CFAP299: variants seen among roughly 807,000 people sequenced by gnomAD.
CFAP299 encodes the protein cilia- and flagella-associated protein 299.
In CFAP299, 21 loss-of-function variants were observed where a neutral mutation model predicts 27.0. The ratio of observed to expected loss-of-function variants is 0.78; its 90% confidence interval spans 0.55 to 1.12. The LOEUF (loss-of-function observed/expected upper bound fraction) is 1.12, where lower values mean the gene tolerates loss of function less well. Among genes scored for constraint, CFAP299 ranks in the 50% most tolerant of loss-of-function variants. CFAP299 has a pLI of 0.00. For synonymous variants in CFAP299, 104 were observed against 98.1 expected (o/e 1.06, Z -0.36); for missense variants, 310 against 276.6 (o/e 1.12, Z -0.86).
At chr4:80,366,078 C>T (rs1723819482) in intron 2 of CFAP299, among the ~76,000 whole-genome samples, 1 of 152,162 alleles carries the variant, frequency 6.6e-6, no homozygotes, top group African/African-American at 2.4e-5. Context: ...CATTCCCTTC[C>T]AGGTTCATTT....
intron 3 of CFAP299, among the ~76,000 whole-genome samples, chr4:80,691,822 A>G (rs1367597101): frequency 2.0e-5 from 3 of 152,240 alleles, no homozygotes; most frequent in Non-Finnish European, 2.9e-5. Context: ...AATCTCTTTA[A>G]GCTGATAAGC....
At chr4:80,814,308 G>A (rs1374095965) in intron 3 of CFAP299, among the ~76,000 whole-genome samples, 1 of 152,052 alleles carries the variant, frequency 6.6e-6, no homozygotes, top group Non-Finnish European at 1.5e-5. Context: ...CTTGTTAAAA[G>A]CACGTGCCTG....
intron 3 of CFAP299, among the ~76,000 whole-genome samples, chr4:80,669,149 C>CTT (rs869091451): frequency 1.1e-3 from 19 of 17,152 alleles, no homozygotes; most frequent in African/African-American, 1.7e-3. Flanking sequence ...TTCTTTCTTT[C>CTT]TTTTTTTTTT....
intron 1 of CFAP299, among the ~76,000 whole-genome samples, chr4:80,342,338 A>G (rs1249103778): frequency 6.6e-6 from 1 of 152,190 alleles, no homozygotes; most frequent in East Asian, 1.9e-4. Context: ...GATATTCCAC[A>G]AGAAGATCAA....
At chr4:80,395,127 T>C (rs955145617) in intron 2 of CFAP299, among the ~76,000 whole-genome samples, 3 of 152,078 alleles carry the variant, frequency 2.0e-5, no homozygotes, top group Non-Finnish European at 2.9e-5. Flanking sequence ...ATATAGATAC[T>C]AATATTTTAT....
intron 2 of CFAP299, among the ~76,000 whole-genome samples, chr4:80,475,696 C>T (rs1056120670): frequency 6.6e-6 from 1 of 152,304 alleles, no homozygotes; most frequent in Non-Finnish European, 1.5e-5. Flanking sequence ...GAGTTTGAAA[C>T]TCAATATAAA....
At chr4:80,899,227 C>T (rs894147359) in intron 4 of CFAP299, among the ~76,000 whole-genome samples, 28 of 152,174 alleles carry the variant, frequency 1.8e-4, no homozygotes, top group African/African-American at 5.8e-4. Flanking sequence ...AGTAAAAATT[C>T]TTCTATTATC....
rs142387031 is a variant in CFAP299, at chr4:80,924,299, T to C, written c.477-20511T>C. Among the ~76,000 whole-genome samples, 266 of 152,034 alleles carry C rather than the reference T, an allele frequency of 1.7e-3. 2 individuals are homozygous for C. Among genetic ancestry groups the C allele is most frequent in the African/African-American group, 6.0e-3 (250 of 41,542 alleles). On this transcript the variant is annotated intron_variant, in intron 4 of 5. Coordinates refer to ENST00000358105, the MANE Select transcript of CFAP299 (RefSeq NM_152770.3). The stretch of plus-strand genomic sequence containing the variant: ...TTACTTTTGGCTATGGCCCACTAAA[T>C]TGATCTTACAGTTCAAAAAAAGACC...
At chr4:80,394,911 C>T (rs189194803) in intron 2 of CFAP299, among the ~76,000 whole-genome samples, 144 of 152,034 alleles carry the variant, frequency 9.5e-4, no homozygotes, top group African/African-American at 3.4e-3. Context: ...TATTTGGGGT[C>T]TTTTGTGATA....
intron 2 of CFAP299, among the ~76,000 whole-genome samples, chr4:80,437,986 T>A (rs1457184115): frequency 6.6e-6 from 1 of 152,192 alleles, no homozygotes; most frequent in African/African-American, 2.4e-5. Flanking sequence ...ATTTAGTATG[T>A]CTTAGGCAGT....
At chr4:80,713,832 G>A (rs1382693526) in intron 3 of CFAP299, among the ~76,000 whole-genome samples, 8 of 152,086 alleles carry the variant, frequency 5.3e-5, no homozygotes, top group African/African-American at 1.9e-4. Context: ...ACTGAAAAAA[G>A]TCCCTTCTAA....
chr4:80,355,639 GTTGA>G (rs1723237460), intron 1 of CFAP299, among the ~76,000 whole-genome samples: 1 of 151,942 alleles, frequency 6.6e-6, no homozygotes, highest in African/African-American at 2.4e-5. Context: ...TTTTAATGGG[GTTGA>G]TTGTTTTTTT....
chr4:80,604,129 G>A (rs1737510390), intron 3 of CFAP299, among the ~76,000 whole-genome samples: 1 of 152,074 alleles, frequency 6.6e-6, no homozygotes, highest in South Asian at 2.1e-4. Flanking sequence ...CCTAGGGAAG[G>A]GAGGACCCAA....
chr4:80,576,734 A>G (rs1735885380), intron 2 of CFAP299, among the ~76,000 whole-genome samples: 1 of 152,152 alleles, frequency 6.6e-6, no homozygotes, highest in Non-Finnish European at 1.5e-5. Context: ...AATTTTTTCC[A>G]AACTAAGTAT....
At chr4:80,813,959 C>CT (rs1729291777) in intron 3 of CFAP299, among the ~76,000 whole-genome samples, 1 of 151,860 alleles carries the variant, frequency 6.6e-6, no homozygotes, top group Non-Finnish European at 1.5e-5. Flanking sequence ...TAAAGAATGT[C>CT]TGAGTTTTTT....
chr4:80,527,189 A>AT (rs1733235547), intron 2 of CFAP299, among the ~76,000 whole-genome samples: 1 of 152,178 alleles, frequency 6.6e-6, no homozygotes. Flanking sequence ...TGTGCTCCTC[A>AT]GTACCAAAAC....
chr4:80,382,702 G>A (rs1724767317), intron 2 of CFAP299, among the ~76,000 whole-genome samples: 2 of 152,246 alleles, frequency 1.3e-5, no homozygotes, highest in African/African-American at 2.4e-5. Context: ...TGGAGAAAAG[G>A]GAACACTTAT....
intron 2 of CFAP299, among the ~76,000 whole-genome samples, chr4:80,545,566 A>C (rs899519845): frequency 1.3e-5 from 2 of 152,204 alleles, no homozygotes; most frequent in Non-Finnish European, 2.9e-5. Flanking sequence ...AAAATCCTGA[A>C]CAGACCAATA....
chr4:80,514,542 G>A (rs1316061279), intron 2 of CFAP299, among the ~76,000 whole-genome samples: 1 of 151,988 alleles, frequency 6.6e-6, no homozygotes, highest in African/African-American at 2.4e-5. Flanking sequence ...ACAGATGACT[G>A]GCAAGCCCTT....
Sources: allele counts gnomAD v4.1 joint callset (sites outside exome capture counted in the v4.1 genomes callset), GRCh38; gene constraint gnomAD v4.1.1; transcripts MANE v1.5; gene names NCBI Gene and HGNC (gene_info 2026-07-23, HGNC 2026-07-21).